Variants in USP22 observed in about 807,000 individuals in gnomAD.
USP22 encodes the protein ubiquitin carboxyl-terminal hydrolase 22.
Under a neutral mutation model 68.1 loss-of-function variants are expected in USP22, and 22 were observed. That is an observed-to-expected ratio of 0.32 (90% CI 0.23 to 0.46). USP22 has a LOEUF of 0.46. Among genes scored for constraint, USP22 ranks in the 20% least tolerant of loss-of-function variants. The probability of loss-of-function intolerance (pLI) is 1.00; values close to 1 mark genes in which losing one functional copy is unlikely to be tolerated. For missense variants in USP22, 433 were observed against 695.8 expected (o/e 0.62, Z 4.25); for synonymous variants, 279 against 274.2 (o/e 1.02, Z -0.17).
At chr17:21,025,319 CAAT>C (rs1287530329) in intron 2 of USP22, among the ~76,000 whole-genome samples, 1 of 152,058 alleles carries the variant, frequency 6.6e-6, no homozygotes, top group Non-Finnish European at 1.5e-5. Context: ...ATCAAAGCCA[CAAT>C]GAGATACCAT....
chr17:21,028,418 G>C (rs1307229350), intron 2 of USP22, 124 bp downstream of exon 2: 3 of 1,428,422 alleles, frequency 2.1e-6, no homozygotes, highest in Non-Finnish European at 2.9e-6. Flanking sequence ...ACCAGTGAGG[G>C]GCACGCATTA....
chr17:21,029,262 C>T (rs1972259570), intron 1 of USP22, among the ~76,000 whole-genome samples: 2 of 152,156 alleles, frequency 1.3e-5, no homozygotes, highest in Admixed American at 6.5e-5. Flanking sequence ...CACTGACTCA[C>T]AATACTAACG....
In USP22 at chr17:21,002,886, G is replaced by T; in HGVS notation, c.*145C>A. 1 of 974,658 alleles carries T rather than the reference G, an allele frequency of 1.0e-6. No individual in the cohort carries two copies. The highest frequency in any genetic ancestry group is 2.5e-5 in the East Asian group (1 of 40,606). The allele number at this position is 974,658 out of a possible 1,614,324, so 60.4% of individuals were successfully genotyped here. A position where few individuals can be genotyped will look rare whatever the true frequency, so the allele number is the denominator to read the frequency against. On this transcript the variant is annotated 3_prime_UTR_variant, in exon 13 of 13. Transcript: ENST00000261497. Reference sequence around the variant, plus strand: ...CATCCCGACCCGATGGGTCCCAGGTGCAGAGGGGCCACATCTGCATGGGAG... The same window carrying T: ...CATCCCGACCCGATGGGTCCCAGGTTCAGAGGGGCCACATCTGCATGGGAG...
chr17:21,042,619 C>A (rs1313961373), intron 1 of USP22, 46 bp downstream of exon 1: 3 of 1,256,242 alleles, frequency 2.4e-6, no homozygotes, highest in Non-Finnish European at 3.0e-6. Context: ...GCCTCAGGAG[C>A]GGCAGAAGGC....
At chr17:21,010,663 CAAA>C (rs36003717) in intron 8 of USP22, among the ~76,000 whole-genome samples, 2 of 107,528 alleles carry the variant, frequency 1.9e-5, no homozygotes, top group African/African-American at 3.3e-5. Context: ...AACTCTGTCT[CAAA>C]AAAAAAAAAA....
intron 2 of USP22, among the ~76,000 whole-genome samples, chr17:21,024,499 T>C (rs146077175): frequency 6.6e-6 from 1 of 152,330 alleles, no homozygotes; most frequent in African/African-American, 2.4e-5. Context: ...AATATTCACC[T>C]ACAAATCCTT....
At chr17:21,012,520 C>T (rs1202498750) in intron 7 of USP22, among the ~76,000 whole-genome samples, 1 of 152,090 alleles carries the variant, frequency 6.6e-6, no homozygotes, top group Non-Finnish European at 1.5e-5. Flanking sequence ...AGGGCTCTTT[C>T]ACTTGGTCCC....
At chr17:21,031,537 A>G (rs1196932377) in intron 1 of USP22, among the ~76,000 whole-genome samples, 2 of 149,816 alleles carry the variant, frequency 1.3e-5, no homozygotes, top group East Asian at 3.9e-4. Flanking sequence ...ACTCCATTAT[A>G]GTCTATCTCT....
chr17:21,015,685 G>A (rs758841317), intron 6 of USP22, 67 bp downstream of exon 6: 24 of 1,527,624 alleles, frequency 1.6e-5, no homozygotes, highest in Non-Finnish European at 2.0e-5. Context: ...GCATACACTC[G>A]CTTTGCTTCC....
chr17:21,027,053 C>T (rs1972229606), intron 2 of USP22, among the ~76,000 whole-genome samples: 1 of 151,690 alleles, frequency 6.6e-6, no homozygotes, highest in African/African-American at 2.4e-5. Flanking sequence ...CTTGGTCTCC[C>T]ACAGTGCTGG....
chr17:21,007,056 CCTT>C, intron 9 of USP22, 69 bp from the exon 10 acceptor site: 3 of 1,333,608 alleles, frequency 2.2e-6, no homozygotes, highest in Non-Finnish European at 3.1e-6. Context: ...AGCTTCAGGG[CCTT>C]CTTCTGATGA....
rs1972251768 is a variant in USP22, at chr17:21,028,629, G to A, written c.217C>T (p.Leu73=). Reference sequence around the variant, plus strand: ...AAGACACAGTAGAGGCAGGAATGCAGCCTGTTGAGGTGGACGCCACAGACA... The same window carrying A: ...AAGACACAGTAGAGGCAGGAATGCAACCTGTTGAGGTGGACGCCACAGACA... ...CHVCGVHLNR[L]HSCLYCVFFG... The change falls in exon 2 of 13, where the codon CTG becomes TTG. Residue 73 remains leucine, a synonymous_variant. Transcript: ENST00000261497. 1 of 1,614,018 alleles carries A rather than the reference G, an allele frequency of 6.2e-7. No individual in the cohort carries two copies. Among genetic ancestry groups the A allele is most frequent in the Non-Finnish European group, 8.5e-7 (1 of 1,180,014 alleles).
chr17:21,017,424 C>T (rs1051511712), intron 5 of USP22, among the ~76,000 whole-genome samples: 24 of 152,160 alleles, frequency 1.6e-4, no homozygotes, highest in African/African-American at 4.8e-4. Flanking sequence ...TTGCTCTGAA[C>T]GCTGCCATGC....
intron 2 of USP22, among the ~76,000 whole-genome samples, chr17:21,024,588 A>G (rs77629102): frequency 0.011 from 1,700 of 152,350 alleles, 26 homozygotes; most frequent in South Asian, 0.064. Flanking sequence ...AAACTCGTAG[A>G]AGAAAACTTA....
intron 1 of USP22, chr17:21,042,302 G>A: frequency 6.0e-6 from 1 of 165,920 alleles, no homozygotes; most frequent in Non-Finnish European, 1.3e-5. Flanking sequence ...CCCCGGCCCG[G>A]AAGCACTCGC....
chr17:21,026,128 T>G (rs1313877000), intron 2 of USP22, among the ~76,000 whole-genome samples: 1 of 152,096 alleles, frequency 6.6e-6, no homozygotes, highest in Admixed American at 6.5e-5. Flanking sequence ...CATGTTGGTG[T>G]GCGTCTGTAA....
intron 12 of USP22, 114 bp from the exon 13 acceptor site, chr17:21,003,187 C>G: frequency 7.7e-7 from 1 of 1,298,304 alleles, no homozygotes; most frequent in Non-Finnish European, 1.1e-6. Context: ...GTCGGCCAGG[C>G]CCGAGTTGAT....
At chr17:21,012,513 G>A (rs145122411) in intron 7 of USP22, among the ~76,000 whole-genome samples, 7 of 152,178 alleles carry the variant, frequency 4.6e-5, no homozygotes, top group Non-Finnish European at 7.4e-5. Flanking sequence ...CTTGAAGAGG[G>A]CTCTTTCACT....
intron 8 of USP22, among the ~76,000 whole-genome samples, chr17:21,009,431 G>C (rs957450980): frequency 6.7e-6 from 1 of 150,124 alleles, no homozygotes; most frequent in Non-Finnish European, 1.5e-5. Flanking sequence ...CAAAGGACTC[G>C]AAAAGGAGCC....
Sources: gnomAD v4.1 joint callset for allele counts (sites outside exome capture counted in the v4.1 genomes callset) on GRCh38, gnomAD v4.1.1 for gene constraint, MANE v1.5 for transcripts, NCBI Gene and HGNC (gene_info 2026-07-23, HGNC 2026-07-21) for gene names.